The following CFAP58 variants were observed in gnomAD, a reference collection of about 807,000 sequenced individuals.
CFAP58 encodes cilia and flagella associated protein 58.
CFAP58 carries 88 observed loss-of-function variants against 119.5 expected under a neutral mutation model. That is an observed-to-expected ratio of 0.74 (90% CI 0.62 to 0.88). CFAP58 has a LOEUF of 0.88. Ranked by LOEUF, CFAP58 falls within the 40% of genes least tolerant of loss-of-function variation. The pLI is 0.00. For missense variants in CFAP58, 990 were observed against 1,021.2 expected (o/e 0.97, Z 0.42); for synonymous variants, 365 against 366.3 (o/e 1.00, Z 0.04).
intron 8 of CFAP58, among the ~76,000 whole-genome samples, chr10:104,377,514 C>T (rs1429383743): frequency 1.3e-5 from 2 of 152,240 alleles, no homozygotes; most frequent in African/African-American, 4.8e-5. Flanking sequence ...AGAGTTTTTC[C>T]ATTGAAAGTC....
intron 9 of CFAP58, among the ~76,000 whole-genome samples, chr10:104,390,059 G>A (rs1292653460): frequency 1.3e-5 from 2 of 152,168 alleles, no homozygotes; most frequent in Non-Finnish European, 2.9e-5. Flanking sequence ...ATTTTGGAAA[G>A]CAATCTAGCA....
chr10:104,365,335 C>T (rs1205735930), intron 4 of CFAP58, among the ~76,000 whole-genome samples: 3 of 152,156 alleles, frequency 2.0e-5, no homozygotes, highest in Admixed American at 6.5e-5. Context: ...AAGAGAAAAA[C>T]ATGAGACTTC....
chr10:104,437,504 A>G (rs2012953757), intron 15 of CFAP58, among the ~76,000 whole-genome samples: 1 of 152,228 alleles, frequency 6.6e-6, no homozygotes, highest in Non-Finnish European at 1.5e-5. Flanking sequence ...CAACAGCACA[A>G]TGCAAATATG....
intron 15 of CFAP58, among the ~76,000 whole-genome samples, chr10:104,408,956 C>T (rs184494223): frequency 9.9e-4 from 150 of 152,158 alleles, no homozygotes; most frequent in African/African-American, 3.4e-3. Flanking sequence ...AAATATTAGC[C>T]AGGCGTGGGG....
At chr10:104,431,625 A>T (rs549240439) in intron 15 of CFAP58, among the ~76,000 whole-genome samples, 6 of 152,300 alleles carry the variant, frequency 3.9e-5, no homozygotes, top group Admixed American at 2.0e-4. Flanking sequence ...CAGATTTTTT[A>T]AAAAATGAAG....
chr10:104,362,064 C>T lies in CFAP58; in HGVS notation c.333C>T (p.Asp111=). ...KAWKMVDSAY[D]KEQKAKETIL... ...GGAAGATGGTGGACTCAGCCTATGA[C>T]AAAGAGCAGAAGGCCAAGGAGACGA... The change falls in exon 3 of 18, where the codon GAC becomes GAT. Residue 111 remains aspartate, a synonymous_variant. Transcript: ENST00000369704. 1 of 1,614,018 alleles carries T rather than the reference C, an allele frequency of 6.2e-7. No individual in the cohort carries two copies. Among genetic ancestry groups the T allele is most frequent in the Non-Finnish European group, 8.5e-7 (1 of 1,179,984 alleles).
chr10:104,366,111 C>T, intron 5 of CFAP58, 103 bp downstream of exon 5: 2 of 996,002 alleles, frequency 2.0e-6, no homozygotes, highest in Non-Finnish European at 2.8e-6. Flanking sequence ...GCAGCAAATT[C>T]CCTTCACTAC....
At chr10:104,382,522 A>T (rs1404706220) in intron 9 of CFAP58, among the ~76,000 whole-genome samples, 1 of 152,176 alleles carries the variant, frequency 6.6e-6, no homozygotes, top group Non-Finnish European at 1.5e-5. Context: ...GGGCTTCCTA[A>T]CACTTTTCAT....
chr10:104,449,463 C>T (rs1365820817), intron 16 of CFAP58, among the ~76,000 whole-genome samples: 1 of 152,060 alleles, frequency 6.6e-6, no homozygotes, highest in East Asian at 1.9e-4. Flanking sequence ...TCTTCTTGTC[C>T]AGCCCAAGCC....
intron 11 of CFAP58, among the ~76,000 whole-genome samples, chr10:104,397,857 G>A (rs551074888): frequency 6.6e-5 from 10 of 152,306 alleles, no homozygotes; most frequent in East Asian, 1.9e-4. Context: ...TGTAACGTAT[G>A]TAACTTTGGT....
At chr10:104,419,480 A>G (rs2012618479) in intron 15 of CFAP58, among the ~76,000 whole-genome samples, 1 of 152,204 alleles carries the variant, frequency 6.6e-6, no homozygotes, top group South Asian at 2.1e-4. Context: ...ATTGGTGTGT[A>G]AGAAAATGAG....
intron 15 of CFAP58, among the ~76,000 whole-genome samples, chr10:104,413,751 A>ATCATCATCAT (rs67521956): frequency 7.1e-6 from 1 of 140,146 alleles, no homozygotes; most frequent in South Asian, 2.4e-4. Context: ...ATCATCATCA[A>ATCATCATCAT]GATGGCATTT....
chr10:104,404,403 A>G (rs941529753), intron 14 of CFAP58, among the ~76,000 whole-genome samples: 4 of 152,218 alleles, frequency 2.6e-5, no homozygotes, highest in Admixed American at 2.6e-4. Flanking sequence ...TCTGATAGTC[A>G]TTACCACCAG....
chr10:104,404,139 C>G (rs1302998593), intron 14 of CFAP58, among the ~76,000 whole-genome samples: 1 of 152,154 alleles, frequency 6.6e-6, no homozygotes, highest in Non-Finnish European at 1.5e-5. Context: ...TTTGGTTAAC[C>G]AGTTATCCTA....
chr10:104,433,868 T>A lies in CFAP58; in HGVS notation c.2257-13830T>A, dbSNP rs147167144. Reference sequence around the variant, plus strand: ...TTAACAAGTTATTTGCTTAAGATCCTTTCCTTATGCAGCTGTCATTGTCAA... The same window carrying A: ...TTAACAAGTTATTTGCTTAAGATCCATTCCTTATGCAGCTGTCATTGTCAA... On this transcript the variant is annotated intron_variant, in intron 15 of 17. Coordinates refer to ENST00000369704, the MANE Select transcript of CFAP58 (RefSeq NM_001008723.2). 2.6e-3 allele frequency among the ~76,000 whole-genome samples: 402 copies of A among 152,380 alleles called. 4 individuals carry two copies. Among genetic ancestry groups the A allele is most frequent in the African/African-American group, 9.1e-3 (379 of 41,602 alleles).
chr10:104,400,747 A>G lies in CFAP58; in HGVS notation c.1883A>G (p.Tyr628Cys), dbSNP rs1398039668. Residue 628 changes from tyrosine (Y) to cysteine (C), a missense_variant, in exon 13 of 18, where the codon TAT becomes TGT. Tyr to Cys is a radical substitution (Grantham distance 194, BLOSUM62 -2). Coordinates refer to ENST00000369704, the MANE Select transcript of CFAP58 (RefSeq NM_001008723.2). ...VRRNDELALL[Y>C]EKIKIQQSVL... Reference sequence around the variant, plus strand: ...CGCAATGATGAGTTAGCTTTGCTCTATGAGAAGATCAAGATCCAACAGTCT... The same window carrying G: ...CGCAATGATGAGTTAGCTTTGCTCTGTGAGAAGATCAAGATCCAACAGTCT... 3.1e-6 allele frequency: 5 copies of G among 1,614,018 alleles called. No individual in the cohort carries two copies. Among genetic ancestry groups the G allele is most frequent in the Admixed American group, 1.7e-5 (1 of 60,004 alleles).
At chr10:104,364,051 T>G (rs2014706981) in intron 3 of CFAP58, among the ~76,000 whole-genome samples, 1 of 152,214 alleles carries the variant, frequency 6.6e-6, no homozygotes, top group Non-Finnish European at 1.5e-5. Flanking sequence ...CCTCCAAAAA[T>G]GGGCATCATG....
intron 3 of CFAP58, among the ~76,000 whole-genome samples, chr10:104,362,856 C>T (rs1186943973): frequency 6.6e-6 from 1 of 152,204 alleles, no homozygotes; most frequent in Non-Finnish European, 1.5e-5. Context: ...AGGATAAAGC[C>T]CAGACTCTTG....
At chr10:104,341,602 A>T in the CFAP58 span, among the ~76,000 whole-genome samples, 7 of 151,732 alleles carry the variant, frequency 4.6e-5, no homozygotes. Flanking sequence ...ATCAGTCAAA[A>T]ATCTAATAAA....
Sources: allele counts gnomAD v4.1 joint callset (sites outside exome capture counted in the v4.1 genomes callset), GRCh38; gene constraint gnomAD v4.1.1; transcripts MANE v1.5; gene names NCBI Gene and HGNC (gene_info 2026-07-23, HGNC 2026-07-21).